PGM2L1: variants seen among roughly 807,000 people sequenced by gnomAD.
PGM2L1 encodes the protein phosphoglucomutase 2 like 1, also known as glucose 1,6-bisphosphate synthase.
A neutral mutation model predicts 73.4 loss-of-function variants in PGM2L1; 35 were observed. The observed-to-expected ratio is 0.48, with a 90% CI of 0.36 to 0.63. PGM2L1 has a LOEUF of 0.63. Among genes scored for constraint, PGM2L1 ranks in the 30% least tolerant of loss-of-function variants. The pLI is 0.00. For missense variants in PGM2L1, 570 were observed against 742.0 expected (o/e 0.77, Z 2.69); for synonymous variants, 225 against 253.8 (o/e 0.89, Z 1.08).
intron 9 of PGM2L1, among the ~76,000 whole-genome samples, 196 bp from the exon 10 acceptor site, chr11:74,343,612 C>A (rs1455990156): frequency 6.6e-6 from 1 of 152,110 alleles, no homozygotes; most frequent in Non-Finnish European, 1.5e-5. Context: ...TAATGACCTA[C>A]TATTTACAGA....
In PGM2L1 at chr11:74,332,788, A is replaced by G. The variant is rs779125470; in HGVS notation, c.*3864T>C. The G allele has an allele frequency of 6.6e-6, 1 of 152,478 alleles. No individual in the cohort carries two copies. Among genetic ancestry groups the G allele is most frequent in the African/African-American group, 2.4e-5 (1 of 41,470 alleles). The allele number at this position is 152,478 out of a possible 1,614,324, so 9.4% of individuals were successfully genotyped here. A position where few individuals can be genotyped will look rare whatever the true frequency, so the allele number is the denominator to read the frequency against. On this transcript the variant is annotated 3_prime_UTR_variant, in exon 14 of 14. Transcript: ENST00000298198. Reference sequence around the variant, plus strand: ...TCTATTTCCTATATAAAGACATTCCAAAGTATCCAATCTCTTAGAACCTCT... The same window carrying G: ...TCTATTTCCTATATAAAGACATTCCGAAGTATCCAATCTCTTAGAACCTCT...
At chr11:74,363,767 G>T (rs1207319874) in intron 5 of PGM2L1, among the ~76,000 whole-genome samples, 2 of 152,132 alleles carry the variant, frequency 1.3e-5, no homozygotes, top group African/African-American at 4.8e-5. Context: ...ATTCACAGCC[G>T]AATTCTATTG....
At chr11:74,367,397 G>A (rs145682167) in intron 5 of PGM2L1, among the ~76,000 whole-genome samples, 2 of 152,112 alleles carry the variant, frequency 1.3e-5, no homozygotes, top group East Asian at 1.9e-4. Context: ...ATCTCGTTTA[G>A]TCTTTCAAAA....
intron 5 of PGM2L1, chr11:74,354,357 TAAA>T: frequency 1.9e-6 from 1 of 535,988 alleles, no homozygotes; most frequent in Non-Finnish European, 3.3e-6. Context: ...AAATCTAGTT[TAAA>T]AAAACGTTTA....
At chr11:74,379,970 A>G (rs917549023) in intron 1 of PGM2L1, among the ~76,000 whole-genome samples, 2 of 152,166 alleles carry the variant, frequency 1.3e-5, no homozygotes, top group Non-Finnish European at 2.9e-5. Context: ...TCTAAAGGGG[A>G]GCCAATATAC....
At chr11:74,336,815 A>AT in intron 13 of PGM2L1, 61 bp from the exon 14 acceptor site, 3 of 1,171,428 alleles carry the variant, frequency 2.6e-6, no homozygotes, top group Non-Finnish European at 3.6e-6. Context: ...ATTTATTTAA[A>AT]TTAGTGTGAT....
chr11:74,370,868 G>A, intron 4 of PGM2L1, 34 bp downstream of exon 4: 2 of 1,518,602 alleles, frequency 1.3e-6, no homozygotes, highest in Non-Finnish European at 1.8e-6. Context: ...TTCAAGAGCA[G>A]CAAGCTATAT....
At chr11:74,393,551 A>G (rs1023789818) in intron 1 of PGM2L1, among the ~76,000 whole-genome samples, 1 of 152,236 alleles carries the variant, frequency 6.6e-6, no homozygotes, top group South Asian at 2.1e-4. Context: ...TAATGTGTGA[A>G]TCACTGGCTT....
chr11:74,397,967 G>T (rs1863204919), intron 1 of PGM2L1, 84 bp downstream of exon 1: 3 of 1,439,332 alleles, frequency 2.1e-6, no homozygotes, highest in Non-Finnish European at 2.7e-6. Flanking sequence ...CTCCTCTGCA[G>T]CCCGCGGGGC....
In PGM2L1 at chr11:74,394,268, T is replaced by C. The variant is rs568007166; in HGVS notation, c.111+3783A>G. 1.4e-3 allele frequency among the ~76,000 whole-genome samples: 216 copies of C among 152,348 alleles called. 1 individual carries two copies. Among genetic ancestry groups the C allele is most frequent in the Admixed American group, 0.014 (210 of 15,308 alleles). On this transcript the variant is annotated intron_variant, in intron 1 of 13. Coordinates refer to ENST00000298198, the MANE Select transcript of PGM2L1 (RefSeq NM_173582.6). Reference sequence around the variant, plus strand: ...TGGTGCATCTAGAAAATGCCCTGAATAGAAACAAATCTACTTAGCTATTAC... The same window carrying C: ...TGGTGCATCTAGAAAATGCCCTGAACAGAAACAAATCTACTTAGCTATTAC...
intron 13 of PGM2L1, among the ~76,000 whole-genome samples, chr11:74,336,980 G>T (rs1862107728): frequency 1.3e-5 from 2 of 152,068 alleles, no homozygotes; most frequent in Non-Finnish European, 2.9e-5. Flanking sequence ...GAGTTCCTTG[G>T]CACATGATAA....
chr11:74,372,694 T>A (rs957762183), intron 2 of PGM2L1, among the ~76,000 whole-genome samples: 1 of 152,200 alleles, frequency 6.6e-6, no homozygotes, highest in Admixed American at 6.5e-5. Flanking sequence ...TGTAATGTCA[T>A]GCCTAAGGCC....
At chr11:74,354,205 G>A (rs1301044090) in intron 5 of PGM2L1, among the ~76,000 whole-genome samples, 1 of 151,988 alleles carries the variant, frequency 6.6e-6, no homozygotes, top group African/African-American at 2.4e-5. Flanking sequence ...TTTGTTACGT[G>A]AGAAAAATGA....
chr11:74,368,600 T>C (rs938220584), intron 4 of PGM2L1, 25 bp from the exon 5 acceptor site: 1 of 1,585,860 alleles, frequency 6.3e-7, no homozygotes, highest in Middle Eastern at 1.7e-4. Flanking sequence ...ACACCATAAT[T>C]CCATTTTGCT....
chr11:74,342,281 G>A (rs924272590), intron 12 of PGM2L1, among the ~76,000 whole-genome samples, 180 bp downstream of exon 12: 2 of 152,048 alleles, frequency 1.3e-5, no homozygotes, highest in African/African-American at 4.8e-5. Flanking sequence ...CCCACCCCTA[G>A]TACATTGCCC....
At chr11:74,341,092 T>G (rs1445988191) in intron 12 of PGM2L1, among the ~76,000 whole-genome samples, 1 of 152,210 alleles carries the variant, frequency 6.6e-6, no homozygotes, top group Non-Finnish European at 1.5e-5. Context: ...TCCTTGCCCA[T>G]TTTCTCTTTT....
intron 2 of PGM2L1, among the ~76,000 whole-genome samples, chr11:74,372,446 A>G (rs193126113): frequency 8.2e-4 from 125 of 152,336 alleles, no homozygotes; most frequent in Middle Eastern, 6.8e-3. Context: ...AAACATCACA[A>G]TGACAAACTA....
chr11:74,347,351 T>G lies in PGM2L1; in HGVS notation c.750-14A>C. On this transcript the variant is annotated splice_polypyrimidine_tract_variant and intron_variant, in intron 6 of 13. Coordinates refer to ENST00000298198, the MANE Select transcript of PGM2L1 (RefSeq NM_173582.6). ...GAGTTTAACTCCCTGTAAAGGAAAA[T>G]CAACATAAGATCATGATTACAAAAC... is the stretch of plus-strand genomic sequence containing the variant. 3 of 1,561,340 alleles carry G rather than the reference T, an allele frequency of 1.9e-6. No individual in the cohort carries two copies. The highest frequency in any genetic ancestry group is 2.6e-6 in the Non-Finnish European group (3 of 1,152,504).
intron 1 of PGM2L1, among the ~76,000 whole-genome samples, chr11:74,377,299 A>G (rs1040840948): frequency 2.6e-5 from 4 of 151,990 alleles, no homozygotes; most frequent in Non-Finnish European, 5.9e-5. Context: ...ACGCCCAGCT[A>G]ATTTTTTGTA....
Sources: allele counts gnomAD v4.1 joint callset (sites outside exome capture counted in the v4.1 genomes callset), GRCh38; gene constraint gnomAD v4.1.1; transcripts MANE v1.5; gene names NCBI Gene and HGNC (gene_info 2026-07-23, HGNC 2026-07-21).